KHDRBS2: variants seen among roughly 807,000 people sequenced by gnomAD.
The protein encoded by KHDRBS2 is KH domain-containing, RNA-binding, signal transduction-associated protein 2.
KHDRBS2 carries 26 observed loss-of-function variants against 44.3 expected under a neutral mutation model. The observed-to-expected ratio is 0.59, with a 90% confidence interval of 0.43 to 0.81. The LOEUF (loss-of-function observed/expected upper bound fraction) is 0.81, where lower values mean the gene tolerates loss of function less well. KHDRBS2 is among the 40% of genes least tolerant of loss of function. The pLI is 0.00. For missense variants in KHDRBS2, 476 were observed against 433.1 expected (o/e 1.10, Z -0.88); for synonymous variants, 194 against 151.1 (o/e 1.28, Z -2.08).
chr6:62,150,771 G>A (rs1814984455), intron 2 of KHDRBS2, among the ~76,000 whole-genome samples: 1 of 152,134 alleles, frequency 6.6e-6, no homozygotes, highest in African/African-American at 2.4e-5. Flanking sequence ...TCAGCTTTGT[G>A]TCACAGAAGG....
At chr6:61,759,635 C>A (rs1483862443) in intron 6 of KHDRBS2, among the ~76,000 whole-genome samples, 1 of 152,118 alleles carries the variant, frequency 6.6e-6, no homozygotes, top group Non-Finnish European at 1.5e-5. Context: ...CCATATGCTT[C>A]CAATAGGTAA....
intron 3 of KHDRBS2, among the ~76,000 whole-genome samples, chr6:62,039,558 G>A (rs115896702): frequency 7.6e-4 from 115 of 151,916 alleles, no homozygotes; most frequent in African/African-American, 2.6e-3. Flanking sequence ...AATGTAATGG[G>A]CACATATATT....
intron 2 of KHDRBS2, among the ~76,000 whole-genome samples, chr6:62,059,740 T>C (rs1050187659): frequency 7.2e-5 from 11 of 151,746 alleles, no homozygotes; most frequent in African/African-American, 2.7e-4. Context: ...GTTGTAATTT[T>C]CTATACAGGG....
At chr6:62,070,254 T>G (rs925266714) in intron 2 of KHDRBS2, among the ~76,000 whole-genome samples, 1 of 151,784 alleles carries the variant, frequency 6.6e-6, no homozygotes, top group Non-Finnish European at 1.5e-5. Flanking sequence ...TATTGATATA[T>G]AGTTTTCTTT....
the KHDRBS2 span, among the ~76,000 whole-genome samples, chr6:61,609,543 T>C: frequency 6.6e-6 from 1 of 152,224 alleles, no homozygotes; most frequent in East Asian, 1.9e-4. Flanking sequence ...GGATTTAACA[T>C]TTTTACATTA....
At chr6:62,276,603 T>C (rs1328123215) in intron 1 of KHDRBS2, among the ~76,000 whole-genome samples, 1 of 152,216 alleles carries the variant, frequency 6.6e-6, no homozygotes, top group East Asian at 1.9e-4. Context: ...GTCTTGATGA[T>C]CCTTAATTCA....
At chr6:61,940,229 G>T (rs1811866952) in intron 4 of KHDRBS2, among the ~76,000 whole-genome samples, 1 of 135,030 alleles carries the variant, frequency 7.4e-6, no homozygotes, top group Non-Finnish European at 1.6e-5. Flanking sequence ...TAGTGTAGTG[G>T]TAAATAAAAG....
At chr6:61,896,717 T>G (rs1803000970) in intron 5 of KHDRBS2, among the ~76,000 whole-genome samples, 1 of 152,196 alleles carries the variant, frequency 6.6e-6, no homozygotes, top group Admixed American at 6.5e-5. Flanking sequence ...TGTTTAATTC[T>G]TTACTTCCTC....
At chr6:61,698,707 C>G (rs750476222) in intron 7 of KHDRBS2, among the ~76,000 whole-genome samples, 6 of 152,048 alleles carry the variant, frequency 3.9e-5, no homozygotes, top group Non-Finnish European at 8.8e-5. Flanking sequence ...AGACCTCATG[C>G]TCTAACACTT....
At chr6:62,210,777 A>G (rs1417701626) in intron 1 of KHDRBS2, among the ~76,000 whole-genome samples, 1 of 152,178 alleles carries the variant, frequency 6.6e-6, no homozygotes, top group Non-Finnish European at 1.5e-5. Flanking sequence ...AAATAATAAC[A>G]TAATCATTAA....
At chr6:61,616,467 AT>A in the KHDRBS2 span, among the ~76,000 whole-genome samples, 419 of 24,922 alleles carry the variant, frequency 0.017, 7 homozygotes, top group East Asian at 0.25. Context: ...ATGAAAGAAT[AT>A]ACATATATAT....
At chr6:62,235,730 A>G (rs1247935647) in intron 1 of KHDRBS2, among the ~76,000 whole-genome samples, 3 of 152,058 alleles carry the variant, frequency 2.0e-5, no homozygotes, top group Non-Finnish European at 1.5e-5. Context: ...TGATATCAGC[A>G]AAGTGTTTCC....
At chr6:62,102,716 G>T (rs1015773208) in intron 2 of KHDRBS2, among the ~76,000 whole-genome samples, 1 of 152,178 alleles carries the variant, frequency 6.6e-6, no homozygotes, top group Non-Finnish European at 1.5e-5. Context: ...TAGTGTTATA[G>T]CAACTCTGGC....
chr6:62,124,324 G>C (rs933630077), intron 2 of KHDRBS2, among the ~76,000 whole-genome samples: 9 of 152,136 alleles, frequency 5.9e-5, no homozygotes, highest in Non-Finnish European at 1.0e-4. Flanking sequence ...GCAAAATAAA[G>C]TCCAAGGTTT....
Position 62,200,891 on chromosome 6 carries a change from A to C in KHDRBS2, c.92-23579T>G, listed in dbSNP as rs1241848899. On this transcript the variant is annotated intron_variant, in intron 1 of 8. Coordinates refer to ENST00000281156, the MANE Select transcript of KHDRBS2 (RefSeq NM_152688.4). ...AAAATGTGGCACATATACACCATGG[A>C]ATACTATGCAGCCATAAAAAATGAT... is the stretch of plus-strand genomic sequence containing the variant. 2.7e-5 allele frequency among the ~76,000 whole-genome samples: 4 copies of C among 149,190 alleles called. No homozygotes were observed. In the East Asian group the frequency reaches 7.8e-4, roughly 29 times the overall value.
intron 6 of KHDRBS2, among the ~76,000 whole-genome samples, chr6:61,820,233 T>C (rs1789678700): frequency 6.6e-6 from 1 of 152,048 alleles, no homozygotes; most frequent in Non-Finnish European, 1.5e-5. Context: ...TAGATGACAC[T>C]AGAAGACTTT....
intron 6 of KHDRBS2, among the ~76,000 whole-genome samples, chr6:61,735,512 C>A (rs1373961296): frequency 1.3e-5 from 2 of 152,046 alleles, no homozygotes; most frequent in African/African-American, 4.8e-5. Flanking sequence ...AATCAGAACC[C>A]AATAAAGAAT....
intron 6 of KHDRBS2, among the ~76,000 whole-genome samples, chr6:61,875,999 T>A (rs1185523195): frequency 2.6e-5 from 4 of 152,088 alleles, no homozygotes; most frequent in Non-Finnish European, 5.9e-5. Context: ...TAAAACAATG[T>A]CATAGAAAAA....
the KHDRBS2 span, among the ~76,000 whole-genome samples, chr6:61,615,460 A>G: frequency 1.3e-5 from 2 of 152,072 alleles, no homozygotes; most frequent in African/African-American, 4.8e-5. Context: ...TTAACAATAC[A>G]AAAAATCAGA....
Sources: allele counts gnomAD v4.1 joint callset (sites outside exome capture counted in the v4.1 genomes callset), GRCh38; gene constraint gnomAD v4.1.1; transcripts MANE v1.5; gene names NCBI Gene and HGNC (gene_info 2026-07-23, HGNC 2026-07-21).